The following WASF3 variants were observed in gnomAD, a reference collection of about 807,000 sequenced individuals.
WASF3 encodes WASP family member 3.
In WASF3, 11 loss-of-function variants were observed where a neutral mutation model predicts 46.6. That is an observed-to-expected ratio of 0.24 (90% CI 0.15 to 0.39). The LOEUF is 0.39. WASF3 is among the 10% of genes least tolerant of loss of function. WASF3 has a pLI of 1.00. For synonymous variants in WASF3, 242 were observed against 259.7 expected (o/e 0.93, Z 0.65); for missense variants, 576 against 669.8 (o/e 0.86, Z 1.55).
chr13:26,553,423 A>G (rs933824791), upstream of WASF3, among the ~76,000 whole-genome samples: 3 of 151,918 alleles, frequency 2.0e-5, no homozygotes, highest in Non-Finnish European at 4.4e-5. Flanking sequence ...CTGCTTGTAC[A>G]CTAGAATGAT....
intron 1 of WASF3, among the ~76,000 whole-genome samples, chr13:26,559,808 C>CTTTTTT (rs770616922): frequency 2.5e-4 from 18 of 73,434 alleles, no homozygotes; most frequent in Admixed American, 1.6e-3. Context: ...TTCTTTCTTT[C>CTTTTTT]TTTTTTTTTT....
chr13:26,570,156 C>A (rs1001679994), intron 1 of WASF3, among the ~76,000 whole-genome samples: 1 of 152,086 alleles, frequency 6.6e-6, no homozygotes, highest in Admixed American at 6.5e-5. Context: ...GGTGTCGTGG[C>A]AGGCGCCTGT....
At chr13:26,602,453 T>A (rs960569603) in intron 1 of WASF3, among the ~76,000 whole-genome samples, 1 of 152,198 alleles carries the variant, frequency 6.6e-6, no homozygotes, top group African/African-American at 2.4e-5. Flanking sequence ...GGCATGATGG[T>A]GGGCCATTTA....
chr13:26,625,271 T>C (rs187638747), intron 2 of WASF3, among the ~76,000 whole-genome samples: 1 of 152,188 alleles, frequency 6.6e-6, no homozygotes, highest in Admixed American at 6.5e-5. Flanking sequence ...TATATAGATT[T>C]ATGAGGAGAT....
At chr13:26,557,247 G>T (rs1002890813), upstream of WASF3, among the ~76,000 whole-genome samples, 1 of 152,206 alleles carries the variant, frequency 6.6e-6, no homozygotes, top group Non-Finnish European at 1.5e-5. Flanking sequence ...AGTCCTCTCA[G>T]GGTTGCCTGA....
intron 1 of WASF3, 50 bp downstream of exon 1, chr13:26,557,869 C>T (rs1879146205): frequency 6.7e-6 from 2 of 297,808 alleles, no homozygotes; most frequent in Non-Finnish European, 1.2e-5. Flanking sequence ...GCTGCTGTGG[C>T]CCTCTCGGCT....
intron 6 of WASF3, among the ~76,000 whole-genome samples, chr13:26,676,207 T>G (rs557734037): frequency 5.3e-5 from 8 of 152,218 alleles, no homozygotes; most frequent in Non-Finnish European, 8.8e-5. Flanking sequence ...TTATGGTGTT[T>G]CCAGGTTGTT....
intron 3 of WASF3, among the ~76,000 whole-genome samples, chr13:26,647,089 G>A (rs754040665): frequency 6.6e-6 from 1 of 152,156 alleles, no homozygotes; most frequent in African/African-American, 2.4e-5. Flanking sequence ...TTTTGTCACC[G>A]TTAAATTTTT....
At chr13:26,560,220 T>C (rs1459757411) in intron 1 of WASF3, among the ~76,000 whole-genome samples, 1 of 152,182 alleles carries the variant, frequency 6.6e-6, no homozygotes, top group Non-Finnish European at 1.5e-5. Flanking sequence ...TAAATGCTTC[T>C]GACAGCCCCA....
At chr13:26,674,338 T>C (rs1310788114) in intron 6 of WASF3, among the ~76,000 whole-genome samples, 2 of 152,236 alleles carry the variant, frequency 1.3e-5, no homozygotes, top group Non-Finnish European at 2.9e-5. Flanking sequence ...GATTATTCAT[T>C]ATTTTTAATA....
intron 2 of WASF3, among the ~76,000 whole-genome samples, chr13:26,634,265 C>T (rs1028986454): frequency 1.3e-5 from 2 of 152,106 alleles, no homozygotes; most frequent in African/African-American, 2.4e-5. Flanking sequence ...CTCTTTTGAT[C>T]TTTGTTGGTT....
intron 8 of WASF3, among the ~76,000 whole-genome samples, chr13:26,681,852 G>A (rs1222526540): frequency 6.6e-6 from 1 of 151,958 alleles, no homozygotes; most frequent in Non-Finnish European, 1.5e-5. Context: ...ATCAATTTAG[G>A]CACCCACCTC....
chr13:26,559,820 T>TCTTTCTTTCTTTCTTTC (rs748976709), intron 1 of WASF3, among the ~76,000 whole-genome samples: 117 of 67,516 alleles, frequency 1.7e-3, no homozygotes, highest in South Asian at 2.5e-3. Flanking sequence ...TTTTTTTTTT[T>TCTTTCTTTCTTTCTTTC]TTTTTTTTTT....
At chr13:26,560,780 AC>A (rs1236977322) in intron 1 of WASF3, among the ~76,000 whole-genome samples, 2 of 152,138 alleles carry the variant, frequency 1.3e-5, no homozygotes, top group Non-Finnish European at 1.5e-5. Context: ...CAAGACAGAT[AC>A]CTCTGTCAGC....
At chr13:26,640,242 A>G (rs1164880109) in intron 2 of WASF3, 3 of 152,166 alleles carry the variant, frequency 2.0e-5, no homozygotes, top group East Asian at 1.9e-4. Context: ...GGAGAGAACA[A>G]ACATCCAAAC....
intron 5 of WASF3, among the ~76,000 whole-genome samples, chr13:26,670,064 T>G (rs59429853): frequency 0.054 from 8,232 of 152,252 alleles, 567 homozygotes; most frequent in African/African-American, 0.16. Flanking sequence ...CACGTATGTT[T>G]ATTGCAGCAC....
rs762701268 is a variant in WASF3, at chr13:26,682,738, C to T, written c.1115C>T (p.Pro372Leu). ...CAGATGCCCATGCAGCCCCCGTTCC[C>T]TGCATCAGCCAGCTCCACGCACGCA... ...PLQMPMQPPF[P>L]ASASSTHAAP... The change falls in exon 9 of 10, where the codon CCT becomes CTT. Residue 372 changes from proline (P) to leucine (L), a missense_variant. Physicochemically the swap from Pro to Leu is moderately conservative, Grantham distance 98. This residue lies in a region of WASF3 where 295 missense variants were observed against 291.5 expected (regional missense o/e 1.01). Coordinates refer to ENST00000335327, the MANE Select transcript of WASF3 (RefSeq NM_006646.6). This position sits in a 1 kb window ranked among gnomAD's most constrained non-coding sequence, Gnocchi z 4.4. The T allele has an allele frequency of 6.2e-7, 1 of 1,613,870 alleles. No individual in the cohort carries two copies. Among genetic ancestry groups the T allele is most frequent in the South Asian group, 1.1e-5 (1 of 91,080 alleles).
At chr13:26,574,449 A>G (rs904875962) in intron 1 of WASF3, among the ~76,000 whole-genome samples, 1 of 151,870 alleles carries the variant, frequency 6.6e-6, no homozygotes, top group African/African-American at 2.4e-5. Flanking sequence ...GACTATTCAG[A>G]TAACTTTTGT....
At chr13:26,567,635 A>G (rs1347925944) in intron 1 of WASF3, among the ~76,000 whole-genome samples, 1 of 152,106 alleles carries the variant, frequency 6.6e-6, no homozygotes, top group Non-Finnish European at 1.5e-5. Context: ...TTTGGAGAAC[A>G]TATTTTCTGC....
Sources: gnomAD v4.1 joint callset for allele counts (sites outside exome capture counted in the v4.1 genomes callset) on GRCh38, gnomAD v4.1.1 for gene constraint, gnomAD v4.1.1 regional missense constraint, Gnocchi (gnomAD v3.1) non-coding constraint, MANE v1.5 for transcripts, NCBI Gene and HGNC (gene_info 2026-07-23, HGNC 2026-07-21) for gene names.